The following PCDHA2 variants were observed in gnomAD, a reference collection of about 807,000 sequenced individuals.
PCDHA2 encodes protocadherin alpha 2.
In PCDHA2, 58 loss-of-function variants were observed where a neutral mutation model predicts 66.0. That is an observed-to-expected ratio of 0.88 (90% confidence interval 0.71 to 1.09). The LOEUF is 1.09. PCDHA2 is among the 50% of genes least tolerant of loss of function. The pLI, the probability that PCDHA2 is intolerant of heterozygous loss-of-function variation, is 0.00. For missense variants in PCDHA2, 1,267 were observed against 1,242.3 expected, an observed-to-expected ratio of 1.02 and a Z score of -0.30; for synonymous variants, 634 against 554.0, an observed-to-expected ratio of 1.14 and a Z score of -2.03.
chr5:140,900,095 C>G (rs1299633318), intron 1 of PCDHA2, among the ~76,000 whole-genome samples: 1 of 152,160 alleles, frequency 6.6e-6, no homozygotes, highest in Non-Finnish European at 1.5e-5. Flanking sequence ...CAAGCATGCG[C>G]CACCATACCT....
At chr5:140,943,405 A>G (rs1030211474) in intron 1 of PCDHA2, among the ~76,000 whole-genome samples, 2 of 152,164 alleles carry the variant, frequency 1.3e-5, no homozygotes, top group Non-Finnish European at 2.9e-5. Flanking sequence ...ATTTAAATTC[A>G]GACTAGAGGC....
chr5:140,824,062 C>T (rs2150131839), intron 1 of PCDHA2: 2 of 1,614,200 alleles, frequency 1.2e-6, no homozygotes, highest in African/African-American at 1.3e-5. Flanking sequence ...TGGGGAAGCT[C>T]CACCCAAAAC....
chr5:140,840,817 C>T (rs1422232698), intron 1 of PCDHA2, among the ~76,000 whole-genome samples: 1 of 152,040 alleles, frequency 6.6e-6, no homozygotes, highest in Non-Finnish European at 1.5e-5. Context: ...ACCAGTGTTT[C>T]TGGTGACCAA....
chr5:140,841,313 C>T (rs2150313348), intron 1 of PCDHA2: 2 of 1,587,144 alleles, frequency 1.3e-6, no homozygotes, highest in Non-Finnish European at 8.6e-7. Context: ...TAGGAAACGA[C>T]TATTTAACAT....
At chr5:140,857,386 C>A in intron 1 of PCDHA2, 2 of 1,598,422 alleles carry the variant, frequency 1.3e-6, no homozygotes, top group Non-Finnish European at 1.7e-6. Flanking sequence ...AGGTGGCCGA[C>A]GTGAACGACA....
intron 1 of PCDHA2, chr5:140,824,008 G>A (rs2150131408): frequency 3.7e-6 from 6 of 1,614,026 alleles, no homozygotes; most frequent in Non-Finnish European, 5.1e-6. Flanking sequence ...CAGCGCGGTG[G>A]GGAGCTGGTC....
intron 1 of PCDHA2, among the ~76,000 whole-genome samples, chr5:140,832,922 A>T (rs1396769346): frequency 5.9e-5 from 9 of 152,314 alleles, no homozygotes; most frequent in African/African-American, 1.7e-4. Flanking sequence ...ACTAACAGGT[A>T]TTCATGAGAA....
At chr5:140,921,134 C>G (rs2080042608) in intron 1 of PCDHA2, among the ~76,000 whole-genome samples, 1 of 111,400 alleles carries the variant, frequency 9.0e-6, no homozygotes, top group African/African-American at 3.7e-5. Flanking sequence ...GTGCACACCA[C>G]TACACCCAGC....
intron 1 of PCDHA2, chr5:140,836,222 G>T: frequency 8.1e-6 from 13 of 1,613,794 alleles, no homozygotes; most frequent in Non-Finnish European, 1.1e-5. Context: ...AGTTGCAACC[G>T]GTGGCGGCCG....
chr5:140,942,617 TG>T (rs1223896117), intron 1 of PCDHA2, among the ~76,000 whole-genome samples: 4 of 100,138 alleles, frequency 4.0e-5, no homozygotes, highest in Admixed American at 9.6e-5. Flanking sequence ...ATTTGCCAAT[TG>T]TAAAAAAAAA....
chr5:140,801,731 T>G, intron 1 of PCDHA2: 5 of 1,614,130 alleles, frequency 3.1e-6, no homozygotes, highest in Non-Finnish European at 4.2e-6. Flanking sequence ...CTGAATATTT[T>G]ACCTTGGACG....
intron 1 of PCDHA2, chr5:140,834,765 G>T: frequency 1.2e-6 from 2 of 1,614,098 alleles, no homozygotes; most frequent in African/African-American, 1.3e-5. Context: ...GGACATTAAC[G>T]ACAACCCTCC....
chr5:140,803,552 A>C (rs1554122885), intron 1 of PCDHA2: 10 of 1,614,214 alleles, frequency 6.2e-6, no homozygotes, highest in Non-Finnish European at 8.5e-6. Context: ...GCCGGGATAG[A>C]GAGGAGAAAC....
rs2150395747 is a variant in PCDHA2, at chr5:140,846,917, A to G, written c.2388+49565A>G. 4.9e-4 allele frequency among the ~76,000 whole-genome samples: 73 copies of G among 149,736 alleles called. 3 individuals are homozygous for G. The highest frequency in any genetic ancestry group is 1.6e-3 in the African/African-American group (65 of 40,960). ...TGAAGTTGAAAGACAATCATTTCCT[A>G]TTTGAATTTTTGAAGAAATACTTGA... On this transcript the variant is annotated intron_variant, in intron 1 of 3. Coordinates refer to ENST00000526136, the MANE Select transcript of PCDHA2 (RefSeq NM_018905.3).
rs2150458780 is a variant in PCDHA2, at chr5:140,849,941, T to A, written c.2388+52589T>A. ...TCTTCACGGTGTCTGCGCGGGACGC[T>A]GACGCGCAGGAGAACGCCCTGGTGT... On this transcript the variant is annotated intron_variant, in intron 1 of 3. Transcript: ENST00000526136. The A allele has an allele frequency of 1.5e-5, 24 of 1,597,306 alleles. 2 individuals carry two copies. Among genetic ancestry groups the A allele is most frequent in the Non-Finnish European group, 1.9e-5 (22 of 1,167,576 alleles).
At chr5:140,859,867 T>C (rs1265494119) in intron 1 of PCDHA2, 1 of 152,016 alleles carries the variant, frequency 6.6e-6, no homozygotes, top group Non-Finnish European at 1.5e-5. Flanking sequence ...AATATATACT[T>C]CCCCCTCTGA....
chr5:140,990,562 C>T (rs2097400496), intron 3 of PCDHA2, among the ~76,000 whole-genome samples: 1 of 152,210 alleles, frequency 6.6e-6, no homozygotes, highest in Non-Finnish European at 1.5e-5. Context: ...CAAGAACACA[C>T]ACCTGTTCGA....
intron 1 of PCDHA2, chr5:140,875,556 C>G (rs781896642): frequency 6.2e-7 from 1 of 1,614,128 alleles, no homozygotes; most frequent in East Asian, 2.2e-5. Flanking sequence ...AGGTGGGGAG[C>G]GGCCAGCTCC....
chr5:140,825,885 A>T (rs1768750702), intron 1 of PCDHA2: 1 of 152,452 alleles, frequency 6.6e-6, no homozygotes, highest in African/African-American at 2.4e-5. Flanking sequence ...AGAGTTGTTT[A>T]TTAAAGCTGT....
Sources: allele counts gnomAD v4.1 joint callset (sites outside exome capture counted in the v4.1 genomes callset), GRCh38; gene constraint gnomAD v4.1.1; transcripts MANE v1.5; gene names NCBI Gene and HGNC (gene_info 2026-07-23, HGNC 2026-07-21).